Variants in PCDH11X observed in about 807,000 individuals in gnomAD.
PCDH11X encodes protocadherin-11 X-linked.
In PCDH11X, 18 loss-of-function variants were observed where a neutral mutation model predicts 53.3. That is an observed-to-expected ratio of 0.34 (90% CI 0.23 to 0.50). The LOEUF is 0.50. Among genes scored for constraint, PCDH11X ranks in the 20% least tolerant of loss-of-function variants. PCDH11X has a pLI of 0.98. For synonymous variants in PCDH11X, 279 were observed against 393.3 expected, an observed-to-expected ratio of 0.71 and a Z score of 3.44; for missense variants, 570 against 1,032.4, an observed-to-expected ratio of 0.55 and a Z score of 6.14.
intron 7 of PCDH11X, among the ~76,000 whole-genome samples, chrX:92,219,488 A>C (rs1298507762): frequency 2.7e-5 from 3 of 110,402 alleles, no homozygotes; most frequent in African/African-American, 6.6e-5. Flanking sequence ...TCCAACTTAC[A>C]AGGGACGTGA....
Position 91,892,940 on chromosome X carries a change from C to T in PCDH11X, c.3033+13667C>T, listed in dbSNP as rs776075176. On this transcript the variant is annotated intron_variant, in intron 6 of 10. Transcript: ENST00000682573. ...ATGCTAGGATTACAGGCGTGAGCCA[C>T]CACGCCCGGCCAAGAACACAATTTT... Among the ~76,000 whole-genome samples the T allele has an allele frequency of 2.8e-4, 31 of 110,021 alleles. No homozygotes were observed. In the South Asian group the frequency reaches 0.012, roughly 41 times the overall value.
chrX:92,238,139 T>A (rs1173997289), intron 7 of PCDH11X, among the ~76,000 whole-genome samples: 4 of 111,915 alleles, frequency 3.6e-5, no homozygotes, highest in African/African-American at 1.3e-4. Flanking sequence ...GCTTTCAAAA[T>A]TTTTAGAGAT....
At chrX:91,991,073 C>T (rs910320982) in intron 6 of PCDH11X, among the ~76,000 whole-genome samples, 1 of 110,102 alleles carries the variant, frequency 9.1e-6, no homozygotes, top group African/African-American at 3.3e-5. Context: ...CTGATACTTC[C>T]TTGGCTGAGA....
chrX:92,359,797 T>C (rs1006377326), intron 8 of PCDH11X, among the ~76,000 whole-genome samples: 69 of 110,806 alleles, frequency 6.2e-4, no homozygotes, highest in African/African-American at 2.2e-3. Flanking sequence ...TATAGGTAGT[T>C]TATTCCACTG....
At chrX:91,811,586 C>A (rs1219543845) in intron 4 of PCDH11X, among the ~76,000 whole-genome samples, 5 of 110,846 alleles carry the variant, frequency 4.5e-5, no homozygotes, top group African/African-American at 1.6e-4. Flanking sequence ...CACATGTTGT[C>A]CGTGGATTGA....
intron 7 of PCDH11X, among the ~76,000 whole-genome samples, chrX:92,252,730 A>G (rs2067484784): frequency 9.0e-6 from 1 of 110,713 alleles, no homozygotes. Flanking sequence ...CAGTAAATAC[A>G]TTGTTTCTGG....
intron 10 of PCDH11X, among the ~76,000 whole-genome samples, chrX:92,516,705 C>A (rs2074276216): frequency 1.8e-5 from 2 of 111,960 alleles, no homozygotes; most frequent in Admixed American, 9.4e-5. Flanking sequence ...TAGAGGTAAT[C>A]AATCTGTCTT....
At chrX:91,916,982 T>A (rs982316693) in intron 6 of PCDH11X, among the ~76,000 whole-genome samples, 3 of 111,748 alleles carry the variant, frequency 2.7e-5, no homozygotes, top group Non-Finnish European at 5.7e-5. Flanking sequence ...GTGGGTTTTA[T>A]ACCAATGATG....
At chrX:91,853,257 A>C (rs1474384662) in intron 5 of PCDH11X, among the ~76,000 whole-genome samples, 2 of 111,504 alleles carry the variant, frequency 1.8e-5, no homozygotes, top group East Asian at 5.6e-4. Flanking sequence ...GGTCAGATTT[A>C]CATTTCACTA....
chrX:92,219,752 C>G (rs1165799054), intron 7 of PCDH11X, among the ~76,000 whole-genome samples: 1 of 89,953 alleles, frequency 1.1e-5, no homozygotes, highest in Admixed American at 1.2e-4. Context: ...CAATCCTAAG[C>G]CAAAAGAATA....
chrX:92,587,365 T>C (rs1238165493), intron 10 of PCDH11X, among the ~76,000 whole-genome samples: 1 of 111,501 alleles, frequency 9.0e-6, no homozygotes, highest in African/African-American at 3.3e-5. Flanking sequence ...ATAAGGAGCA[T>C]CAGCAGAGTG....
intron 7 of PCDH11X, among the ~76,000 whole-genome samples, chrX:92,211,862 C>G (rs1296411496): frequency 2.7e-5 from 3 of 111,336 alleles, no homozygotes; most frequent in Non-Finnish European, 3.8e-5. Flanking sequence ...GGTTAAAGGT[C>G]AACACTAGTG....
intron 4 of PCDH11X, among the ~76,000 whole-genome samples, chrX:91,824,075 T>G (rs1936809104): frequency 9.0e-6 from 1 of 111,497 alleles, no homozygotes; most frequent in African/African-American, 3.3e-5. Flanking sequence ...CCTATGAGGG[T>G]GACCCGACCT....
At chrX:92,408,404 A>G (rs2071569209) in intron 9 of PCDH11X, among the ~76,000 whole-genome samples, 1 of 106,395 alleles carries the variant, frequency 9.4e-6, no homozygotes, top group East Asian at 3.0e-4. Context: ...GCAGTTTGTC[A>G]ATTTCATAGA....
intron 8 of PCDH11X, among the ~76,000 whole-genome samples, chrX:92,303,648 G>A (rs1399730500): frequency 8.9e-6 from 1 of 111,940 alleles, no homozygotes; most frequent in Non-Finnish European, 1.9e-5. Flanking sequence ...GCAACTATGT[G>A]TTTAAATGTT....
chrX:92,575,905 GTATATATATATA>G (rs58574424), intron 10 of PCDH11X, among the ~76,000 whole-genome samples: 21 of 25,818 alleles, frequency 8.1e-4, no homozygotes, highest in African/African-American at 1.5e-3. Context: ...TACCTGGTGT[GTATATATATATA>G]TATATATATA....
At chrX:91,951,553 T>C (rs1424151234) in intron 6 of PCDH11X, among the ~76,000 whole-genome samples, 1 of 100,153 alleles carries the variant, frequency 1.0e-5, no homozygotes, top group African/African-American at 3.6e-5. Flanking sequence ...TAAAGTAATG[T>C]TACTAGTGTT....
At chrX:92,108,515 TA>T (rs36074772) in intron 6 of PCDH11X, among the ~76,000 whole-genome samples, 6,528 of 105,562 alleles carry the variant, frequency 0.062, 503 homozygotes, top group African/African-American at 0.21. Context: ...TCAATATGAT[TA>T]AAAAAAAAAG....
chrX:92,422,918 G>A (rs749062166), intron 9 of PCDH11X, among the ~76,000 whole-genome samples: 7 of 108,525 alleles, frequency 6.5e-5, no homozygotes, highest in Admixed American at 4.9e-4. Flanking sequence ...GCACGATATC[G>A]GCTCACTGCA....
Sources: gnomAD v4.1 joint callset for allele counts (sites outside exome capture counted in the v4.1 genomes callset) on GRCh38, gnomAD v4.1.1 for gene constraint, MANE v1.5 for transcripts, NCBI Gene and HGNC (gene_info 2026-07-23, HGNC 2026-07-21) for gene names.